Variants in TENM4 observed in about 807,000 individuals in gnomAD.
TENM4 encodes the protein teneurin transmembrane protein 4, also known as teneurin-4.
A neutral mutation model predicts 243.3 loss-of-function variants in TENM4; 82 were observed. The ratio of observed to expected loss-of-function variants is 0.34; its 90% CI spans 0.28 to 0.40. The LOEUF is 0.40. Among genes scored for constraint, TENM4 ranks in the 10% least tolerant of loss-of-function variants. The pLI is 1.00. For synonymous variants in TENM4, 1,412 were observed against 1,456.3 expected, an observed-to-expected ratio of 0.97 and a Z score of 0.69; for missense variants, 3,138 against 3,673.3, an observed-to-expected ratio of 0.85 and a Z score of 3.77.
intron 2 of TENM4, among the ~76,000 whole-genome samples, chr11:79,279,336 A>G (rs551702123): frequency 1.3e-5 from 2 of 152,190 alleles, no homozygotes; most frequent in Non-Finnish European, 2.9e-5. Context: ...GAGAGTAGCA[A>G]CAGGTAAGAT....
chr11:78,807,437 C>A (rs917697677), intron 14 of TENM4, among the ~76,000 whole-genome samples: 1 of 152,126 alleles, frequency 6.6e-6, no homozygotes, highest in Non-Finnish European at 1.5e-5. Flanking sequence ...TATGGGGCTA[C>A]AACAACATTA....
At chr11:79,376,252 T>C (rs1857888889) in intron 1 of TENM4, among the ~76,000 whole-genome samples, 1 of 152,206 alleles carries the variant, frequency 6.6e-6, no homozygotes, top group South Asian at 2.1e-4. Context: ...TGGAGGGATA[T>C]GAGGCACAAA....
At chr11:78,937,495 C>T (rs576477295) in intron 6 of TENM4, among the ~76,000 whole-genome samples, 1 of 152,290 alleles carries the variant, frequency 6.6e-6, no homozygotes, top group East Asian at 1.9e-4. Flanking sequence ...GAATCTCTTC[C>T]ACCTTAACAT....
intron 4 of TENM4, chr11:79,097,489 A>G (rs1861111229): frequency 6.6e-6 from 1 of 152,154 alleles, no homozygotes; most frequent in African/African-American, 2.4e-5. Context: ...ACCCAGCCTC[A>G]AAGTTCAGCT....
intron 6 of TENM4, among the ~76,000 whole-genome samples, chr11:79,002,987 T>C (rs926444212): frequency 2.0e-5 from 3 of 152,206 alleles, no homozygotes; most frequent in African/African-American, 4.8e-5. Context: ...ATACAGCTGA[T>C]AAATTCACTT....
chr11:79,015,577 C>T (rs1016500197), intron 6 of TENM4, among the ~76,000 whole-genome samples: 40 of 151,552 alleles, frequency 2.6e-4, no homozygotes, highest in African/African-American at 9.2e-4. Context: ...ATTAAAACAA[C>T]AGGTAATAAA....
intron 1 of TENM4, among the ~76,000 whole-genome samples, chr11:79,384,898 C>T (rs1461177021): frequency 1.1e-5 from 1 of 92,600 alleles, no homozygotes; most frequent in Non-Finnish European, 2.2e-5. Flanking sequence ...TGCACTCCAG[C>T]CTGGGCAACA....
intron 14 of TENM4, among the ~76,000 whole-genome samples, chr11:78,806,117 C>T (rs1857382644): frequency 6.6e-6 from 1 of 151,834 alleles, no homozygotes; most frequent in Non-Finnish European, 1.5e-5. Flanking sequence ...CAGCGAGATC[C>T]TGTCTCTACA....
intron 4 of TENM4, among the ~76,000 whole-genome samples, chr11:79,070,687 G>A (rs559292374): frequency 3.9e-5 from 6 of 152,222 alleles, no homozygotes; most frequent in South Asian, 4.2e-4. Context: ...CACAGTAGGC[G>A]CATAATAAAG....
chr11:79,081,157 C>T (rs1382645411), intron 4 of TENM4, among the ~76,000 whole-genome samples: 2 of 152,234 alleles, frequency 1.3e-5, no homozygotes, highest in Non-Finnish European at 2.9e-5. Flanking sequence ...TTGAACACAA[C>T]AGCTGGAGGA....
intron 1 of TENM4, among the ~76,000 whole-genome samples, chr11:79,382,502 C>T (rs561363989): frequency 1.3e-5 from 2 of 152,280 alleles, no homozygotes; most frequent in East Asian, 1.9e-4. Context: ...TCTGCAATCC[C>T]CCATGCCCTG....
At chr11:79,409,257 C>T (rs1858648044) in intron 1 of TENM4, among the ~76,000 whole-genome samples, 1 of 151,320 alleles carries the variant, frequency 6.6e-6, no homozygotes, top group Non-Finnish European at 1.5e-5. Flanking sequence ...CTAAAAATAG[C>T]TGTGTGGTAG....
At chr11:78,907,758 T>C (rs1856095297) in intron 6 of TENM4, among the ~76,000 whole-genome samples, 1 of 152,222 alleles carries the variant, frequency 6.6e-6, no homozygotes, top group South Asian at 2.1e-4. Flanking sequence ...GTAGTTGGGC[T>C]TTTTGCCTGC....
At chr11:79,121,522 C>T (rs1423023683) in intron 4 of TENM4, among the ~76,000 whole-genome samples, 2 of 152,158 alleles carry the variant, frequency 1.3e-5, no homozygotes, top group African/African-American at 2.4e-5. Context: ...AAGGACCATG[C>T]GGCGGAGTAG....
At position 78,656,098 on chromosome 11, in the gene TENM4, C is replaced by T. The variant is rs1462577846; in HGVS notation, c.*1960G>A. On this transcript the variant is annotated 3_prime_UTR_variant, in exon 34 of 34. Transcript: ENST00000278550. ...GGATGACGTTAAGGCGAAATCTCCTCTCCCCAAGAAGTTTTGGTTGCCTCC... is the reference window on the plus strand; with the variant it reads ...GGATGACGTTAAGGCGAAATCTCCTTTCCCCAAGAAGTTTTGGTTGCCTCC... 5.9e-5 allele frequency: 9 copies of T among 152,224 alleles called. No homozygotes were observed. Among genetic ancestry groups the T allele is most frequent in the Non-Finnish European group, 1.3e-4 (9 of 68,062 alleles). The allele number at this position is 152,224 out of a possible 1,614,324, so 9.4% of individuals were successfully genotyped here.
chr11:78,756,516 G>T, intron 19 of TENM4: 1 of 397,070 alleles, frequency 2.5e-6, no homozygotes, highest in Non-Finnish European at 4.7e-6. Context: ...ACTGCAAAGT[G>T]GGTATTGATC....
At chr11:78,699,476 C>T (rs1363606360) in intron 28 of TENM4, among the ~76,000 whole-genome samples, 3 of 152,098 alleles carry the variant, frequency 2.0e-5, no homozygotes, top group Non-Finnish European at 4.4e-5. Context: ...TGGGAAAGAG[C>T]CTGGCACATA....
At position 79,359,903 on chromosome 11, in the gene TENM4, G is replaced by A. The variant is rs965994440; in HGVS notation, c.-320-62360C>T. ...GCAGAGGCAGGAAGCTCTGTCAATC[G>A]TTCATGGGCCGGATGAAAAATGCTT... On this transcript the variant is annotated intron_variant, in intron 1 of 33. Coordinates refer to ENST00000278550, the MANE Select transcript of TENM4 (RefSeq NM_001098816.3). Among the ~76,000 whole-genome samples the A allele has an allele frequency of 5.3e-5, 8 of 152,204 alleles. No individual in the cohort carries two copies. In the East Asian group the frequency reaches 7.7e-4, roughly 15 times the overall value.
chr11:79,229,048 G>C (rs1176525322), intron 2 of TENM4, among the ~76,000 whole-genome samples: 1 of 152,188 alleles, frequency 6.6e-6, no homozygotes, highest in Non-Finnish European at 1.5e-5. Flanking sequence ...TTGACTGTTA[G>C]TGTGAGTATT....
Sources: allele counts gnomAD v4.1 joint callset (sites outside exome capture counted in the v4.1 genomes callset), GRCh38; gene constraint gnomAD v4.1.1; transcripts MANE v1.5; gene names NCBI Gene and HGNC (gene_info 2026-07-23, HGNC 2026-07-21).